Variants in DYNLL1 observed in about 807,000 individuals in gnomAD.
DYNLL1 encodes the protein dynein light chain LC8-type 1.
Under a neutral mutation model 10.1 loss-of-function variants are expected in DYNLL1, and 3 were observed. That is an observed-to-expected ratio of 0.30 (90% CI 0.14 to 0.77). The LOEUF (loss-of-function observed/expected upper bound fraction) is 0.77, where lower values mean the gene tolerates loss of function less well. Among genes scored for constraint, DYNLL1 ranks in the 30% least tolerant of loss-of-function variants. DYNLL1 has a pLI of 0.66. For missense variants in DYNLL1, 47 were observed against 111.7 expected (o/e 0.42, Z 2.61); for synonymous variants, 46 against 41.2 (o/e 1.12, Z -0.45).
At chr12:120,497,994 A>G (rs1868513455) in intron 2 of DYNLL1, 79 bp from the exon 3 acceptor site, 5 of 1,431,308 alleles carry the variant, frequency 3.5e-6, no homozygotes, top group Admixed American at 2.4e-5. Context: ...TTCTGCCCCT[A>G]CAGGCTCTGG....
upstream of DYNLL1, among the ~76,000 whole-genome samples, chr12:120,494,797 AAAATGTAG>A (rs1295697319): frequency 6.6e-6 from 1 of 152,196 alleles, no homozygotes; most frequent in Non-Finnish European, 1.5e-5. Context: ...TGGTCAGAGG[AAAATGTAG>A]AAATGTAAAT....
At chr12:120,480,934 C>T (rs892926694) in intron 1 of DYNLL1, among the ~76,000 whole-genome samples, 3 of 151,832 alleles carry the variant, frequency 2.0e-5, no homozygotes, top group East Asian at 3.9e-4. Context: ...TAATTTTTTG[C>T]ATTTTTAGTA....
chr12:120,489,063 T>C (rs1815919142), intron 1 of DYNLL1, among the ~76,000 whole-genome samples: 1 of 152,186 alleles, frequency 6.6e-6, no homozygotes, highest in Admixed American at 6.5e-5. Flanking sequence ...GAAGTCCATC[T>C]CTGTACCTAG....
chr12:120,471,900 C>T (rs967300706), intron 1 of DYNLL1, among the ~76,000 whole-genome samples: 2 of 152,082 alleles, frequency 1.3e-5, no homozygotes, highest in Admixed American at 6.5e-5. Context: ...CGTGAGCCAC[C>T]GCGCCCAGCT....
intron 1 of DYNLL1, among the ~76,000 whole-genome samples, chr12:120,474,493 T>C (rs1878714858): frequency 6.7e-6 from 1 of 148,364 alleles, no homozygotes; most frequent in South Asian, 2.1e-4. Context: ...GATGAGTGCA[T>C]GAAAATCTCA....
At chr12:120,471,998 TA>T (rs201363011) in intron 1 of DYNLL1, among the ~76,000 whole-genome samples, 6,918 of 152,234 alleles carry the variant, frequency 0.045, 263 homozygotes, top group South Asian at 0.099. Context: ...TCTGTGCAAT[TA>T]AAAAAATTAA....
upstream of DYNLL1, among the ~76,000 whole-genome samples, chr12:120,493,467 C>T (rs1459937961): frequency 2.0e-5 from 3 of 151,464 alleles, no homozygotes; most frequent in South Asian, 2.1e-4. Context: ...ACCCAGATCG[C>T]GCCACTGCAC....
intron 1 of DYNLL1, among the ~76,000 whole-genome samples, chr12:120,477,826 C>T (rs1002606986): frequency 8.6e-5 from 13 of 151,906 alleles, no homozygotes; most frequent in African/African-American, 3.1e-4. Flanking sequence ...GACAGAGTTT[C>T]GCTCTTGTTG....
chr12:120,471,932 C>T (rs568753121), intron 1 of DYNLL1, among the ~76,000 whole-genome samples: 10 of 152,062 alleles, frequency 6.6e-5, no homozygotes, highest in African/African-American at 1.9e-4. Context: ...TTTTATCAGA[C>T]GGAAATAAGC....
At chr12:120,476,541 T>C (rs992137990) in intron 1 of DYNLL1, among the ~76,000 whole-genome samples, 1 of 152,182 alleles carries the variant, frequency 6.6e-6, no homozygotes, top group Non-Finnish European at 1.5e-5. Context: ...ATCCTTCTCA[T>C]GGGCTGCCAG....
chr12:120,479,468 A>AAAAAAAAAAAAAAT, intron 1 of DYNLL1, among the ~76,000 whole-genome samples: 1 of 109,580 alleles, frequency 9.1e-6, no homozygotes, highest in Non-Finnish European at 1.8e-5. Flanking sequence ...AAAAAAAAAA[A>AAAAAAAAAAAAAAT]AATAATAATA....
chr12:120,483,024 CA>C (rs1878915935), intron 1 of DYNLL1, among the ~76,000 whole-genome samples: 1 of 151,896 alleles, frequency 6.6e-6, no homozygotes, highest in Non-Finnish European at 1.5e-5. Context: ...GCCTGGAAAA[CA>C]GAGCAAGACC....
At chr12:120,483,717 T>G (rs927976992) in intron 1 of DYNLL1, among the ~76,000 whole-genome samples, 4 of 152,026 alleles carry the variant, frequency 2.6e-5, no homozygotes, top group African/African-American at 4.8e-5. Flanking sequence ...GCCATGAAAT[T>G]TAAAGCCATG....
At chr12:120,496,738 G>T in intron 2 of DYNLL1, 185 bp downstream of exon 2, 2 of 762,960 alleles carry the variant, frequency 2.6e-6, no homozygotes, top group Non-Finnish European at 3.9e-6. Flanking sequence ...CCCGGCGTCC[G>T]AAGTTTTTTT....
intron 1 of DYNLL1, among the ~76,000 whole-genome samples, chr12:120,471,155 G>A (rs74352618): frequency 0.26 from 39,217 of 151,464 alleles, 5,920 homozygotes; most frequent in East Asian, 0.5. Context: ...CTTGAGGCCA[G>A]GAGTTCAAGA....
chr12:120,480,605 G>A (rs139897409), intron 1 of DYNLL1, among the ~76,000 whole-genome samples: 4 of 152,114 alleles, frequency 2.6e-5, no homozygotes, highest in African/African-American at 4.8e-5. Flanking sequence ...TCTGCCTCCC[G>A]AGTCTTTGCC....
intron 1 of DYNLL1, among the ~76,000 whole-genome samples, chr12:120,488,414 A>G (rs1593003146): frequency 6.6e-6 from 1 of 152,236 alleles, no homozygotes; most frequent in East Asian, 1.9e-4. Flanking sequence ...CAGAGCCCCC[A>G]TTAACAGCTC....
intron 1 of DYNLL1, among the ~76,000 whole-genome samples, chr12:120,470,493 G>A (rs903582094): frequency 6.6e-6 from 1 of 152,120 alleles, no homozygotes; most frequent in African/African-American, 2.4e-5. Flanking sequence ...TTGATACAGG[G>A]TCTTATTCTG....
chr12:120,488,879 C>T (rs972795838), intron 1 of DYNLL1, among the ~76,000 whole-genome samples: 5 of 152,122 alleles, frequency 3.3e-5, no homozygotes, highest in African/African-American at 1.2e-4. Context: ...TGCCATTGCA[C>T]TCCAGCCTGG....
Sources: gnomAD v4.1 joint callset for allele counts (sites outside exome capture counted in the v4.1 genomes callset) on GRCh38, gnomAD v4.1.1 for gene constraint, MANE v1.5 for transcripts, NCBI Gene and HGNC (gene_info 2026-07-23, HGNC 2026-07-21) for gene names.